CNTNAP2: variants seen among roughly 807,000 people sequenced by gnomAD.
CNTNAP2 encodes contactin associated protein 2.
In CNTNAP2, 98 loss-of-function variants were observed where a neutral mutation model predicts 155.2. The ratio of observed to expected loss-of-function variants is 0.63; its 90% CI spans 0.54 to 0.75. CNTNAP2 has a LOEUF of 0.75. Among genes scored for constraint, CNTNAP2 ranks in the 30% least tolerant of loss-of-function variants. CNTNAP2 has a pLI of 0.00. For missense variants in CNTNAP2, 1,727 were observed against 1,688.1 expected, an observed-to-expected ratio of 1.02 and a Z score of -0.40; for synonymous variants, 651 against 631.2, an observed-to-expected ratio of 1.03 and a Z score of -0.47.
intron 1 of CNTNAP2, among the ~76,000 whole-genome samples, chr7:146,191,323 G>A (rs1444671677): frequency 6.6e-6 from 1 of 152,170 alleles, no homozygotes; most frequent in Non-Finnish European, 1.5e-5. Context: ...AGGGGAGGGA[G>A]TGTACGAATA....
At chr7:147,095,315 C>T (rs1268328590) in intron 4 of CNTNAP2, among the ~76,000 whole-genome samples, 12 of 151,108 alleles carry the variant, frequency 7.9e-5, no homozygotes, top group African/African-American at 2.2e-4. Flanking sequence ...GGATTTCAGG[C>T]GTGAGCCACC....
chr7:146,859,098 A>G (rs1795047748), intron 3 of CNTNAP2, among the ~76,000 whole-genome samples: 1 of 152,188 alleles, frequency 6.6e-6, no homozygotes, highest in Non-Finnish European at 1.5e-5. Flanking sequence ...ATAAAGGTAA[A>G]ATTTTGAGGC....
At chr7:147,552,571 A>AACAC (rs34755315) in intron 11 of CNTNAP2, among the ~76,000 whole-genome samples, 7,679 of 142,890 alleles carry the variant, frequency 0.054, 334 homozygotes, top group African/African-American at 0.12. Flanking sequence ...TACTTTCCTC[A>AACAC]ACACACACAC....
At chr7:147,745,711 T>G (rs1179495885) in intron 13 of CNTNAP2, among the ~76,000 whole-genome samples, 1 of 152,190 alleles carries the variant, frequency 6.6e-6, no homozygotes, top group Non-Finnish European at 1.5e-5. Context: ...AACAAAATGC[T>G]CTTTCTCTAC....
At chr7:146,637,744 C>T (rs1799623437) in intron 1 of CNTNAP2, among the ~76,000 whole-genome samples, 1 of 152,086 alleles carries the variant, frequency 6.6e-6, no homozygotes, top group Non-Finnish European at 1.5e-5. Context: ...GATTCCTAAA[C>T]CCCACATAAA....
intron 15 of CNTNAP2, among the ~76,000 whole-genome samples, chr7:148,110,310 T>C (rs1398783890): frequency 6.6e-6 from 1 of 151,958 alleles, no homozygotes; most frequent in Non-Finnish European, 1.5e-5. Context: ...TAGGTGGAGA[T>C]GGTAGAGCCA....
intron 9 of CNTNAP2, among the ~76,000 whole-genome samples, chr7:147,344,366 C>T (rs1210288200): frequency 6.6e-6 from 1 of 152,116 alleles, no homozygotes; most frequent in African/African-American, 2.4e-5. Context: ...TCTTCTTAGG[C>T]TGACCAAAAG....
At chr7:146,962,886 A>G (rs1468256119) in intron 3 of CNTNAP2, 1 of 152,226 alleles carries the variant, frequency 6.6e-6, no homozygotes, top group Non-Finnish European at 1.5e-5. Flanking sequence ...CATCTGAAAG[A>G]TAATTGAGTT....
intron 21 of CNTNAP2, among the ~76,000 whole-genome samples, chr7:148,306,572 CTTT>C (rs1020169959): frequency 6.6e-6 from 1 of 152,020 alleles, no homozygotes; most frequent in African/African-American, 2.4e-5. Flanking sequence ...TTTTTCACTT[CTTT>C]TTTTATGTTC....
chr7:146,785,278 T>C (rs372711806), intron 2 of CNTNAP2, among the ~76,000 whole-genome samples: 9 of 152,170 alleles, frequency 5.9e-5, no homozygotes, highest in African/African-American at 1.9e-4. Context: ...GCAGCCTATA[T>C]GCTAACTTTA....
rs553832963 is a variant in CNTNAP2, at chr7:146,205,422, AT to A, written c.97+88457del. On this transcript the variant is annotated intron_variant, in intron 1 of 23. Coordinates refer to ENST00000361727, the MANE Select transcript of CNTNAP2 (RefSeq NM_014141.6). Reference sequence around the variant, plus strand: ...ATTGGAAACTAAAATAAGTCAGTGGATTTTTTTTAAAAATGTGTAAGTATGA... The same window carrying A: ...ATTGGAAACTAAAATAAGTCAGTGGATTTTTTTAAAAATGTGTAAGTATGA... Among the ~76,000 whole-genome samples, 41 of 151,978 alleles carry A rather than the reference AT, an allele frequency of 2.7e-4. No homozygotes were observed. In the East Asian group the frequency reaches 6.8e-3, roughly 25 times the overall value.
intron 12 of CNTNAP2, among the ~76,000 whole-genome samples, chr7:147,636,301 G>A (rs952132933): frequency 6.0e-4 from 92 of 152,290 alleles, no homozygotes; most frequent in African/African-American, 2.0e-3. Flanking sequence ...AAGGGGTTTA[G>A]AGCCTAGAAG....
chr7:147,921,520 C>G (rs1172691041), intron 14 of CNTNAP2, among the ~76,000 whole-genome samples: 2 of 152,152 alleles, frequency 1.3e-5, no homozygotes, highest in Non-Finnish European at 2.9e-5. Flanking sequence ...TTTCCAAAGT[C>G]ATTCATTTCA....
chr7:146,293,237 C>T (rs1318888117), intron 1 of CNTNAP2, among the ~76,000 whole-genome samples: 1 of 151,918 alleles, frequency 6.6e-6, no homozygotes, highest in African/African-American at 2.4e-5. Flanking sequence ...TTTATAATAC[C>T]ATGAACATAG....
At chr7:147,491,202 C>T (rs927081665) in intron 11 of CNTNAP2, among the ~76,000 whole-genome samples, 3 of 152,176 alleles carry the variant, frequency 2.0e-5, no homozygotes, top group African/African-American at 7.2e-5. Context: ...ATGGCCATGT[C>T]TTTAACCTGA....
intron 13 of CNTNAP2, among the ~76,000 whole-genome samples, chr7:147,787,141 C>T (rs1797752826): frequency 6.6e-6 from 1 of 152,142 alleles, no homozygotes; most frequent in African/African-American, 2.4e-5. Flanking sequence ...ACCTGAATAC[C>T]TGCAGGTGTG....
At chr7:147,542,393 C>A (rs988643597) in intron 11 of CNTNAP2, among the ~76,000 whole-genome samples, 1 of 152,008 alleles carries the variant, frequency 6.6e-6, no homozygotes, top group Non-Finnish European at 1.5e-5. Context: ...GGCAGAGCAC[C>A]TGTTGAAATC....
At chr7:146,906,468 C>G (rs1796130217) in intron 3 of CNTNAP2, among the ~76,000 whole-genome samples, 4 of 152,018 alleles carry the variant, frequency 2.6e-5, no homozygotes, top group Admixed American at 6.6e-5. Context: ...AACGGGCAGA[C>G]TGCCTCCTCA....
intron 11 of CNTNAP2, among the ~76,000 whole-genome samples, chr7:147,529,833 T>G (rs563484803): frequency 1.3e-5 from 2 of 152,314 alleles, no homozygotes; most frequent in South Asian, 4.1e-4. Flanking sequence ...ATTTCCATAA[T>G]GTTCCATTAT....
Sources: allele counts gnomAD v4.1 joint callset (sites outside exome capture counted in the v4.1 genomes callset), GRCh38; gene constraint gnomAD v4.1.1; transcripts MANE v1.5; gene names NCBI Gene and HGNC (gene_info 2026-07-23, HGNC 2026-07-21).